Variants in TSBP1 observed in about 807,000 individuals in gnomAD.
TSBP1 encodes the protein testis-expressed basic protein 1.
TSBP1 carries 56 observed loss-of-function variants against 68.8 expected under a neutral mutation model. That is an observed-to-expected ratio of 0.81 (90% confidence interval 0.66 to 1.02). The LOEUF (loss-of-function observed/expected upper bound fraction) is 1.02. TSBP1 is among the 50% of genes least tolerant of loss of function. TSBP1 has a pLI of 0.00. For missense variants in TSBP1, 502 were observed against 641.2 expected (o/e 0.78, Z 2.34); for synonymous variants, 171 against 208.7 (o/e 0.82, Z 1.56).
At chr6:32,367,736 G>T (rs1773919427) in intron 4 of TSBP1, among the ~76,000 whole-genome samples, 189 bp downstream of exon 4, 1 of 151,768 alleles carries the variant, frequency 6.6e-6, no homozygotes, top group Non-Finnish European at 1.5e-5. Context: ...TTAAGAAGGA[G>T]AACTATTTAC....
intron 18 of TSBP1, among the ~76,000 whole-genome samples, chr6:32,320,504 C>T (rs1211480480): frequency 1.3e-5 from 2 of 151,906 alleles, no homozygotes; most frequent in Non-Finnish European, 2.9e-5. Flanking sequence ...GAAACCCTAC[C>T]TTTGTTCCTG....
chr6:32,337,488 G>A lies in TSBP1; in HGVS notation c.410-853C>T, dbSNP rs937821047. 6.6e-6 allele frequency among the ~76,000 whole-genome samples: 1 copy of A among 152,200 alleles called. No individual in the cohort carries two copies. Among genetic ancestry groups the A allele is most frequent in the Non-Finnish European group, 1.5e-5 (1 of 68,030 alleles). On this transcript the variant is annotated intron_variant, in intron 11 of 22. Coordinates refer to ENST00000612031, the Ensembl canonical transcript of TSBP1. The surrounding 1 kb of genome is among the most constrained non-coding windows in gnomAD (Gnocchi z 5.5). ...TCTGAAGGAGACAGTGGGAATTGCT[G>A]TCTCTGTAGTGATTTTGGCCCTTAT...
chr6:32,369,653 G>C (rs947488870), intron 2 of TSBP1, among the ~76,000 whole-genome samples: 1 of 149,760 alleles, frequency 6.7e-6, no homozygotes, highest in African/African-American at 2.4e-5. Context: ...ACAGGCGTGA[G>C]CCACCGCTCC....
rs3129926 is a variant in TSBP1 at position 32,365,703 on chromosome 6, T to C, written c.217+464A>G. 0.14 allele frequency: 62,568 copies of C among 437,604 alleles called. 5,113 individuals carry two copies. The highest frequency in any genetic ancestry group is 0.17 in the Non-Finnish European group (37,243 of 217,338). 27.1% of individuals were successfully genotyped at this position (437,604 alleles called of 1,614,324 possible). A position where few individuals can be genotyped will look rare whatever the true frequency, so the allele number is the denominator to read the frequency against. On this transcript the variant is annotated intron_variant, in intron 6 of 22. Transcript: ENST00000612031. The surrounding 1 kb of genome is among the most constrained non-coding windows in gnomAD (Gnocchi z 4.3). ...CAAGTGGGTCTGTCTCAGCATTGAG[T>C]TGTGCCACCTTGGGGGAGGAGTGAT...
intron 21 of TSBP1, among the ~76,000 whole-genome samples, 173 bp from the exon 25 acceptor site, chr6:32,300,109 A>G (rs1765133303): frequency 6.6e-6 from 1 of 152,064 alleles, no homozygotes; most frequent in African/African-American, 2.4e-5. Context: ...CACTCCACAC[A>G]GAGGGTTATC....
chr6:32,351,307 A>C (rs80206624), intron 8 of TSBP1, among the ~76,000 whole-genome samples: 12,825 of 152,176 alleles, frequency 0.084, 799 homozygotes, highest in East Asian at 0.1. Context: ...GACTAACATG[A>C]TGAACTTAGG....
chr6:32,368,350 G>C (rs3129932), intron 3 of TSBP1, among the ~76,000 whole-genome samples: 116,887 of 152,072 alleles, frequency 0.77, 45,206 homozygotes, highest in South Asian at 0.9. Flanking sequence ...TGGTACTCTT[G>C]TCAATCATAA....
rs1363094000 is a variant in TSBP1 at position 32,306,457 on chromosome 6, A to G, written c.581-3828T>C. On this transcript the variant is annotated intron_variant, in intron 19 of 22. Transcript: ENST00000612031. The surrounding 1 kb of genome is among the most constrained non-coding windows in gnomAD (Gnocchi z 5.1). ...TGGTACTTTAGAATGCTGGTTCTCCATCTTCTCGGTTTGCTGACTCTCCAA... is the reference window on the plus strand; with the variant it reads ...TGGTACTTTAGAATGCTGGTTCTCCGTCTTCTCGGTTTGCTGACTCTCCAA... Among the ~76,000 whole-genome samples, 1 of 151,278 alleles carries G rather than the reference A, an allele frequency of 6.6e-6. No individual in the cohort carries two copies. Among genetic ancestry groups the G allele is most frequent in the Non-Finnish European group, 1.5e-5 (1 of 67,720 alleles).
At chr6:32,323,135 G>T (rs1412109883) in exon 18 of TSBP1, 1 of 1,580,980 alleles carries the variant, frequency 6.3e-7, no homozygotes, top group Non-Finnish European at 8.7e-7. Flanking sequence ...GCCATGGGTG[G>T]ACCTAAAAAC....
At chr6:32,339,303 A>G in intron 10 of TSBP1, 1 of 544,596 alleles carries the variant, frequency 1.8e-6, no homozygotes, top group South Asian at 2.6e-5. Flanking sequence ...TATTATAAGA[A>G]TTTCCACTTT....
intron 4 of TSBP1, among the ~76,000 whole-genome samples, chr6:32,366,762 CAAA>C (rs9257084): frequency 0.19 from 14,682 of 76,828 alleles, 985 homozygotes; most frequent in African/African-American, 0.34. Context: ...GACTCCGTCT[CAAA>C]AAAAAAAAAA....
chr6:32,323,535 T>C lies in TSBP1; in HGVS notation c.538+56A>G, dbSNP rs1002838299. The C allele has an allele frequency of 9.0e-6, 14 of 1,554,580 alleles. No homozygotes were observed. In the African/African-American group the frequency reaches 1.6e-4, roughly 18 times the overall value. ...AGGGTAGAGACAGGTCTCTAAGCCTTGCAGGGAACAACAAGAACAACAACA... is the reference window on the plus strand; with the variant it reads ...AGGGTAGAGACAGGTCTCTAAGCCTCGCAGGGAACAACAAGAACAACAACA... On this transcript the variant is annotated intron_variant, in intron 17 of 22. Transcript: ENST00000612031.
At position 32,368,780 on chromosome 6, in the gene TSBP1, A is replaced by G. The variant is rs576198629; in HGVS notation, c.133+2T>C. 3.8e-6 allele frequency: 6 copies of G among 1,580,222 alleles called. No homozygotes were observed. In the African/African-American group the frequency reaches 4.0e-5, roughly 11 times the overall value. ...ATTTTTCTCATGAGTATAAGTACTT[A>G]CTTTGTTCTGAACTGTATCTGGAGA... On this transcript the variant is annotated splice_donor_variant, in intron 3 of 22. Coordinates refer to ENST00000612031, the Ensembl canonical transcript of TSBP1. LOFTEE classifies it high-confidence loss of function.
chr6:32,353,771 A>T (rs543229349), intron 8 of TSBP1, among the ~76,000 whole-genome samples: 2 of 152,142 alleles, frequency 1.3e-5, no homozygotes, highest in South Asian at 4.1e-4. Context: ...ATGGCATTAC[A>T]AATCAGCAGA....
intron 10 of TSBP1, 136 bp from the exon 12 acceptor site, chr6:32,339,135 C>T: frequency 1.3e-6 from 1 of 747,684 alleles, no homozygotes; most frequent in African/African-American, 1.7e-5. Flanking sequence ...AGGCATTTTC[C>T]TTTTTTCCTT....
intron 22 of TSBP1, among the ~76,000 whole-genome samples, chr6:32,298,813 TAAAC>T (rs61276376): frequency 0.096 from 14,631 of 152,214 alleles, 1,047 homozygotes; most frequent in African/African-American, 0.19. Flanking sequence ...TTTACAGAAT[TAAAC>T]AAAAGTTATT....
chr6:32,293,074 C>G, exon 23 of TSBP1: 1 of 1,612,104 alleles, frequency 6.2e-7, no homozygotes, highest in Non-Finnish European at 8.5e-7. Flanking sequence ...CTGATTCTCT[C>G]TTTCCTTTAA....
chr6:32,324,336 C>T (rs1211328009), intron 16 of TSBP1: 3 of 452,326 alleles, frequency 6.6e-6, no homozygotes, highest in Middle Eastern at 1.3e-3. Context: ...CCTTTCTCTC[C>T]TACCATTTTT....
intron 14 of TSBP1, chr6:32,334,055 A>T (rs904403886): frequency 2.0e-5 from 4 of 198,540 alleles, no homozygotes; most frequent in African/African-American, 9.5e-5. Flanking sequence ...TCTTGACATA[A>T]GTTACTAAAT....
Sources: allele counts gnomAD v4.1 joint callset (sites outside exome capture counted in the v4.1 genomes callset), GRCh38; gene constraint gnomAD v4.1.1; non-coding constraint Gnocchi (gnomAD v3.1); transcripts MANE v1.5; gene names NCBI Gene and HGNC (gene_info 2026-07-23, HGNC 2026-07-21).